The following AGBL1 variants were observed in gnomAD, a reference collection of about 807,000 sequenced individuals.
AGBL1 encodes AGBL carboxypeptidase 1, also known as cytosolic carboxypeptidase 4.
Under a neutral mutation model 118.9 loss-of-function variants are expected in AGBL1, and 130 were observed. The ratio of observed to expected loss-of-function variants is 1.09; its 90% CI spans 0.95 to 1.26. AGBL1 has a LOEUF of 1.26. Ranked by LOEUF, AGBL1 falls within the 50% of genes most tolerant of loss-of-function variation. The pLI is 0.00. For synonymous variants in AGBL1, 555 were observed against 478.9 expected (o/e 1.16, Z -2.08); for missense variants, 1,584 against 1,298.1 (o/e 1.22, Z -3.38).
At chr15:86,884,415 C>CTATT (rs2079940379) in intron 22 of AGBL1, among the ~76,000 whole-genome samples, 1 of 152,202 alleles carries the variant, frequency 6.6e-6, no homozygotes, top group African/African-American at 2.4e-5. Context: ...CTGGAATTTT[C>CTATT]CATTCATTGT....
chr15:86,582,870 G>A (rs2084190317), intron 21 of AGBL1, among the ~76,000 whole-genome samples: 1 of 145,612 alleles, frequency 6.9e-6, no homozygotes, highest in Non-Finnish European at 1.5e-5. Flanking sequence ...GTGGGGTTGG[G>A]GGAGGGGGGA....
At chr15:86,731,846 A>G (rs551734683) in intron 22 of AGBL1, among the ~76,000 whole-genome samples, 2 of 152,298 alleles carry the variant, frequency 1.3e-5, no homozygotes, top group East Asian at 3.9e-4. Context: ...AGGGGTAGTA[A>G]GCCTCTGAAA....
intron 22 of AGBL1, among the ~76,000 whole-genome samples, chr15:86,681,552 C>T (rs2085957149): frequency 1.3e-5 from 2 of 152,166 alleles, no homozygotes; most frequent in South Asian, 4.1e-4. Context: ...TTCACCACCT[C>T]TAGGTTGTGC....
chr15:86,384,237 G>A (rs2081151581), intron 17 of AGBL1, among the ~76,000 whole-genome samples: 1 of 152,176 alleles, frequency 6.6e-6, no homozygotes, highest in Non-Finnish European at 1.5e-5. Flanking sequence ...CCTGAAGCTT[G>A]AGGGAATCAG....
chr15:86,979,528 G>T (rs1041689433), intron 23 of AGBL1, among the ~76,000 whole-genome samples: 8 of 150,794 alleles, frequency 5.3e-5, no homozygotes, highest in African/African-American at 2.0e-4. Flanking sequence ...TCCCTCTGTT[G>T]CCCAGGCTGG....
intron 18 of AGBL1, among the ~76,000 whole-genome samples, chr15:86,457,945 C>T (rs1019325871): frequency 1.3e-5 from 2 of 152,174 alleles, no homozygotes; most frequent in African/African-American, 4.8e-5. Flanking sequence ...TCAGTGCTTT[C>T]GATCATAGGG....
Position 86,674,313 on chromosome 15 carries a change from C to A in AGBL1, c.3035C>A (p.Ala1012Asp). The A allele has an allele frequency of 1.2e-6, 2 of 1,611,942 alleles. No homozygotes were observed. Among genetic ancestry groups the A allele is most frequent in the Non-Finnish European group, 1.7e-6 (2 of 1,179,028 alleles). ...ACCAGAGAACTGGAGGAGATGGGAG[C>A]CATGTTCTGTTTGGGCCTCCTCATC... ...FGTRELEEMG[A>D]MFCLGLLILE... Residue 1012 changes from alanine (A) to aspartate (D), a missense_variant, in exon 22 of 23, where the codon GCC becomes GAC. Coordinates refer to ENST00000614907, the MANE Select transcript of AGBL1 (RefSeq NM_001386094.1).
chr15:86,853,947 T>C (rs2079443112), intron 22 of AGBL1, among the ~76,000 whole-genome samples: 1 of 152,030 alleles, frequency 6.6e-6, no homozygotes, highest in Admixed American at 6.6e-5. Context: ...TCAAAGAAAA[T>C]ATTGCATAGG....
intron 21 of AGBL1, among the ~76,000 whole-genome samples, chr15:86,590,545 C>A (rs2084319991): frequency 6.6e-6 from 1 of 152,164 alleles, no homozygotes; most frequent in Non-Finnish European, 1.5e-5. Context: ...TTATAAATTA[C>A]CCGGTCTCTG....
chr15:86,836,224 A>G (rs2079168984), intron 22 of AGBL1, among the ~76,000 whole-genome samples: 1 of 152,182 alleles, frequency 6.6e-6, no homozygotes, highest in African/African-American at 2.4e-5. Flanking sequence ...CTGAAGTCCA[A>G]TAGCTTATTT....
intron 22 of AGBL1, among the ~76,000 whole-genome samples, chr15:86,761,825 C>T (rs903433268): frequency 5.3e-5 from 8 of 152,000 alleles, no homozygotes; most frequent in African/African-American, 1.4e-4. Context: ...TGTGCAGAAG[C>T]GCTTTAGTTT....
At chr15:86,836,128 A>G (rs2079168010) in intron 22 of AGBL1, among the ~76,000 whole-genome samples, 2 of 152,220 alleles carry the variant, frequency 1.3e-5, no homozygotes, top group African/African-American at 4.8e-5. Flanking sequence ...ACAGCTAAAC[A>G]GAGATTGCCT....
At chr15:86,306,717 T>A (rs1435352041) in intron 17 of AGBL1, among the ~76,000 whole-genome samples, 1 of 152,146 alleles carries the variant, frequency 6.6e-6, no homozygotes, top group African/African-American at 2.4e-5. Context: ...GTAGCTCAAT[T>A]TTTAGTTTTT....
At chr15:86,953,798 T>G (rs535504222) in intron 23 of AGBL1, among the ~76,000 whole-genome samples, 1 of 152,308 alleles carries the variant, frequency 6.6e-6, no homozygotes, top group African/African-American at 2.4e-5. Context: ...CCGAAGTCGT[T>G]TATTAGTTCT....
At chr15:86,394,793 C>T (rs184833784) in intron 17 of AGBL1, among the ~76,000 whole-genome samples, 432 of 152,248 alleles carry the variant, frequency 2.8e-3, no homozygotes, top group African/African-American at 8.0e-3. Flanking sequence ...TAGGCATTTA[C>T]CAGATGAAAC....
intron 21 of AGBL1, among the ~76,000 whole-genome samples, chr15:86,554,943 A>G (rs1035133823): frequency 6.6e-6 from 1 of 151,860 alleles, no homozygotes; most frequent in African/African-American, 2.4e-5. Flanking sequence ...TTGTTGGTAC[A>G]TATATCTATT....
chr15:86,295,203 G>A (rs1273032548), intron 16 of AGBL1, 52 bp from the exon 17 acceptor site: 57 of 1,581,446 alleles, frequency 3.6e-5, no homozygotes, highest in East Asian at 4.6e-5. Context: ...TTCTATTATT[G>A]TTGTTATAAA....
chr15:86,238,692 G>A (rs751145184), intron 6 of AGBL1, among the ~76,000 whole-genome samples: 39 of 152,192 alleles, frequency 2.6e-4, no homozygotes, highest in Admixed American at 8.5e-4. Context: ...GCTAAAATGT[G>A]GATAAACATA....
At chr15:86,759,552 A>G (rs1323631337) in intron 22 of AGBL1, among the ~76,000 whole-genome samples, 2 of 152,128 alleles carry the variant, frequency 1.3e-5, no homozygotes, top group African/African-American at 2.4e-5. Flanking sequence ...GAATTAATCA[A>G]TGTTAATTGA....
Sources: allele counts gnomAD v4.1 joint callset (sites outside exome capture counted in the v4.1 genomes callset), GRCh38; gene constraint gnomAD v4.1.1; transcripts MANE v1.5; gene names NCBI Gene and HGNC (gene_info 2026-07-23, HGNC 2026-07-21).